The following SVIL variants were observed in gnomAD, a reference collection of about 807,000 sequenced individuals.
SVIL encodes supervillin.
In SVIL, 101 loss-of-function variants were observed where a neutral mutation model predicts 240.4. The observed-to-expected ratio is 0.42, with a 90% CI of 0.36 to 0.50. The LOEUF (loss-of-function observed/expected upper bound fraction) is 0.50, where lower values mean the gene tolerates loss of function less well. SVIL is among the 20% of genes least tolerant of loss of function. The pLI, the probability that SVIL is intolerant of heterozygous loss-of-function variation, is 0.01. For missense variants in SVIL, 2,512 were observed against 2,818.7 expected (o/e 0.89, Z 2.46); for synonymous variants, 999 against 1,100.0 (o/e 0.91, Z 1.82).
chr10:29,491,089 G>A (rs754598485), intron 21 of SVIL, 70 bp from the exon 22 acceptor site: 33 of 1,488,656 alleles, frequency 2.2e-5, no homozygotes, highest in Non-Finnish European at 3.0e-5. Flanking sequence ...GGGGGTCTTG[G>A]ACTCCACAAA....
At chr10:29,518,950 T>C (rs1950390763) in intron 16 of SVIL, among the ~76,000 whole-genome samples, 1 of 152,162 alleles carries the variant, frequency 6.6e-6, no homozygotes, top group Non-Finnish European at 1.5e-5. Context: ...CACTGAGAAC[T>C]TAATATAGTC....
intron 1 of SVIL, among the ~76,000 whole-genome samples, chr10:29,604,363 CTTTTTTTTTTTT>C (rs71525560): frequency 2.3e-4 from 9 of 38,426 alleles, no homozygotes; most frequent in Admixed American, 1.1e-3. Context: ...CCATGTCTGG[CTTTTTTTTTTTT>C]TTTTTTTTTT....
chr10:29,509,252 A>G (rs1365227589), intron 17 of SVIL, among the ~76,000 whole-genome samples: 1 of 148,284 alleles, frequency 6.7e-6, no homozygotes, highest in East Asian at 2.1e-4. Flanking sequence ...TACCAAGAAC[A>G]GGTGAAAGAT....
chr10:29,719,049 G>A lies in SVIL; in HGVS notation c.-400+16702C>T, dbSNP rs915129427. Among the ~76,000 whole-genome samples, 13 of 152,040 alleles carry A rather than the reference G, an allele frequency of 8.6e-5. No homozygotes were observed. In the South Asian group the frequency reaches 1.2e-3, roughly 15 times the overall value. On this transcript the variant is annotated intron_variant, in intron 1 of 35. Coordinates refer to the SVIL transcript ENST00000375400. ...CTTAAACCCAGGAGGTGGAGGTTGC[G>A]GTGAGCTGAGATCGTGCCACTGCAC...
chr10:29,585,489 A>G (rs1956128846), intron 1 of SVIL, among the ~76,000 whole-genome samples: 1 of 152,140 alleles, frequency 6.6e-6, no homozygotes, highest in Admixed American at 6.5e-5. Flanking sequence ...ACGCCCGCCA[A>G]ACTATTTTTT....
At chr10:29,662,243 C>G (rs1479766714) in intron 2 of SVIL, among the ~76,000 whole-genome samples, 1 of 152,182 alleles carries the variant, frequency 6.6e-6, no homozygotes, top group African/African-American at 2.4e-5. Flanking sequence ...AGGATTCAGC[C>G]TGGATGCCCC....
At chr10:29,505,049 G>A (rs1949166730) in intron 17 of SVIL, among the ~76,000 whole-genome samples, 1 of 152,220 alleles carries the variant, frequency 6.6e-6, no homozygotes, top group African/African-American at 2.4e-5. Flanking sequence ...AAAAGACACA[G>A]TGGAGGCTCA....
rs34334928 is a variant in SVIL at position 29,533,206 on chromosome 10, A to AT, written c.1160dup (p.Asn387LysfsTer4). On this transcript the variant is annotated frameshift_variant, in exon 8 of 38. Transcript: ENST00000355867. LOFTEE classifies it high-confidence loss of function. ...ATGCTACCCAGCTACACTCAGATGC[A>AT]TTTTCTGGGGTTTCTGGCGTCACTA... is the stretch of plus-strand genomic sequence containing the variant. 1 of 1,613,932 alleles carries AT rather than the reference A, an allele frequency of 6.2e-7. No individual in the cohort carries two copies. Among genetic ancestry groups the AT allele is most frequent in the Non-Finnish European group, 8.5e-7 (1 of 1,180,008 alleles).
At chr10:29,725,047 A>G (rs1964214060) in intron 1 of SVIL, among the ~76,000 whole-genome samples, 1 of 151,028 alleles carries the variant, frequency 6.6e-6, no homozygotes, top group South Asian at 2.1e-4. Flanking sequence ...AAAAAAAAAA[A>G]AAAAAAGCAT....
intron 1 of SVIL, among the ~76,000 whole-genome samples, chr10:29,630,611 A>G (rs1251748304): frequency 6.6e-6 from 1 of 152,086 alleles, no homozygotes; most frequent in African/African-American, 2.4e-5. Flanking sequence ...AAGTTCCAAT[A>G]ATGAAGTGAC....
At chr10:29,493,718 G>C (rs1263619718) in intron 20 of SVIL, among the ~76,000 whole-genome samples, 3 of 152,168 alleles carry the variant, frequency 2.0e-5, no homozygotes, top group Non-Finnish European at 2.9e-5. Context: ...TGAAGGGTTG[G>C]CAAACTTTTT....
intron 6 of SVIL, chr10:29,544,974 TTC>T (rs1333208924): frequency 9.4e-6 from 5 of 533,994 alleles, no homozygotes; most frequent in Non-Finnish European, 1.5e-5. Flanking sequence ...CAGATGTCTG[TTC>T]TTTAGAATGG....
chr10:29,474,014 A>G, intron 29 of SVIL, 25 bp from the exon 30 acceptor site: 1 of 1,608,474 alleles, frequency 6.2e-7, no homozygotes, highest in Non-Finnish European at 8.5e-7. Flanking sequence ...TGGCAGAGGG[A>G]CAGGTCAGCA....
At chr10:29,655,874 GTTT>G (rs3030622) in intron 3 of SVIL, among the ~76,000 whole-genome samples, 1 of 136,260 alleles carries the variant, frequency 7.3e-6, no homozygotes, top group South Asian at 2.3e-4. Context: ...GTATGTGTGG[GTTT>G]TTTTTTTTTT....
chr10:29,470,532 C>T, intron 31 of SVIL, 49 bp from the exon 32 acceptor site: 2 of 1,604,656 alleles, frequency 1.2e-6, no homozygotes, highest in Non-Finnish European at 1.7e-6. Context: ...GAGCGAGTGG[C>T]AGCAAACGCG....
chr10:29,608,409 G>A (rs572973808), intron 1 of SVIL, among the ~76,000 whole-genome samples: 1 of 152,354 alleles, frequency 6.6e-6, no homozygotes, highest in Non-Finnish European at 1.5e-5. Flanking sequence ...GAGCTGGCAG[G>A]GGCCAGGAAT....
intron 6 of SVIL, among the ~76,000 whole-genome samples, chr10:29,541,099 T>C (rs1952118741): frequency 6.6e-6 from 1 of 152,252 alleles, no homozygotes; most frequent in South Asian, 2.1e-4. Flanking sequence ...ATCTGAATTA[T>C]GGTGGTTATT....
intron 20 of SVIL, 72 bp from the exon 21 acceptor site, chr10:29,493,463 TA>T: frequency 6.6e-7 from 1 of 1,518,450 alleles, no homozygotes; most frequent in East Asian, 2.3e-5. Flanking sequence ...CACAATAGTT[TA>T]AAAATTCTAT....
chr10:29,697,003 CGGGA>C (rs1167357195), intron 1 of SVIL, among the ~76,000 whole-genome samples: 2 of 135,460 alleles, frequency 1.5e-5, no homozygotes, highest in Non-Finnish European at 3.2e-5. Flanking sequence ...CCGCCCCGTC[CGGGA>C]GGGAGGTGGG....
Sources: allele counts gnomAD v4.1 joint callset (sites outside exome capture counted in the v4.1 genomes callset), GRCh38; gene constraint gnomAD v4.1.1; transcripts MANE v1.5; gene names NCBI Gene and HGNC (gene_info 2026-07-23, HGNC 2026-07-21).